Variants in ALG14 observed in about 807,000 individuals in gnomAD.
ALG14 encodes ALG14 UDP-N-acetylglucosaminyltransferase subunit, also known as UDP-N-acetylglucosamine transferase subunit ALG14.
Under a neutral mutation model 22.8 loss-of-function variants are expected in ALG14, and 17 were observed. That is an observed-to-expected ratio of 0.75 (90% confidence interval 0.51 to 1.12). The LOEUF (loss-of-function observed/expected upper bound fraction) is 1.12, where lower values mean the gene tolerates loss of function less well. ALG14 is among the 50% of genes most tolerant of loss of function. ALG14 has a pLI of 0.00. For synonymous variants in ALG14, 89 were observed against 103.7 expected, an observed-to-expected ratio of 0.86 and a Z score of 0.86; for missense variants, 288 against 271.8, an observed-to-expected ratio of 1.06 and a Z score of -0.42.
At chr1:95,053,419 T>C (rs544283788) in intron 2 of ALG14, among the ~76,000 whole-genome samples, 4 of 152,226 alleles carry the variant, frequency 2.6e-5, no homozygotes, top group African/African-American at 9.6e-5. Context: ...TCATAATGAT[T>C]AAAAATAATT....
At chr1:94,990,683 C>T (rs1412019033) in intron 3 of ALG14, among the ~76,000 whole-genome samples, 1 of 152,206 alleles carries the variant, frequency 6.6e-6, no homozygotes, top group East Asian at 1.9e-4. Context: ...TAGCTTTCAT[C>T]TTCTTTTAAA....
intron 3 of ALG14, among the ~76,000 whole-genome samples, chr1:94,995,307 C>T (rs1247827470): frequency 6.6e-6 from 1 of 152,080 alleles, no homozygotes; most frequent in Non-Finnish European, 1.5e-5. Context: ...TACAGATATA[C>T]AGAAAGAGAC....
At chr1:95,043,614 G>C (rs74101996) in intron 2 of ALG14, among the ~76,000 whole-genome samples, 2 of 152,142 alleles carry the variant, frequency 1.3e-5, no homozygotes, top group African/African-American at 4.8e-5. Context: ...GTGGCAGGAT[G>C]AGGGAGTGAC....
At chr1:95,004,858 T>C (rs1673174127) in intron 3 of ALG14, among the ~76,000 whole-genome samples, 4 of 146,354 alleles carry the variant, frequency 2.7e-5, no homozygotes, top group African/African-American at 5.1e-5. Flanking sequence ...CAGGCTGGAG[T>C]GCAGTAGCAT....
chr1:95,009,882 G>C (rs548529180), intron 3 of ALG14, among the ~76,000 whole-genome samples: 1 of 152,242 alleles, frequency 6.6e-6, no homozygotes, highest in African/African-American at 2.4e-5. Flanking sequence ...AGTGGGAGCT[G>C]AGTAAAAAGC....
chr1:95,004,910 A>G (rs1673175246), intron 3 of ALG14, among the ~76,000 whole-genome samples: 1 of 151,688 alleles, frequency 6.6e-6, no homozygotes, highest in South Asian at 2.1e-4. Flanking sequence ...TGTTCAAGCA[A>G]TTCTCCTGCC....
rs1672358809 is a variant in ALG14, at chr1:94,974,527, A to C, written c.*8549T>G. On this transcript the variant is annotated 3_prime_UTR_variant, in exon 4 of 4. Coordinates refer to ENST00000370205, the MANE Select transcript of ALG14 (RefSeq NM_144988.4). ...CATCTGCATATGGTTAAAGATTTAA[A>C]AGAATCCATTGGTTTCTTTTTCACT... is the stretch of plus-strand genomic sequence containing the variant. 6.6e-6 allele frequency: 1 copy of C among 152,230 alleles called. No individual in the cohort carries two copies. The highest frequency in any genetic ancestry group is 2.4e-5 in the African/African-American group (1 of 41,460). The allele number at this position is 152,230 out of a possible 1,614,324, so 9.4% of individuals were successfully genotyped here. A position where few individuals can be genotyped will look rare whatever the true frequency, so the allele number is the denominator to read the frequency against.
Position 95,029,769 on chromosome 1 carries a change from G to A in ALG14, c.289-2509C>T, listed in dbSNP as rs75636995. Among the ~76,000 whole-genome samples the A allele has an allele frequency of 6.7e-3, 1,017 of 152,308 alleles. 8 individuals are homozygous for A. The highest frequency in any genetic ancestry group is 0.011 in the Non-Finnish European group (718 of 68,026). Reference sequence around the variant, plus strand: ...CAGCAAAAAGTGAAAATGGAAATGTGTGACCACTCTGCTTCTTCATATGAT... The same window carrying A: ...CAGCAAAAAGTGAAAATGGAAATGTATGACCACTCTGCTTCTTCATATGAT... On this transcript the variant is annotated intron_variant, in intron 2 of 3. Coordinates refer to ENST00000370205, the MANE Select transcript of ALG14 (RefSeq NM_144988.4).
chr1:95,057,900 T>C lies in ALG14; in HGVS notation c.288+6966A>G, dbSNP rs554887953. Among the ~76,000 whole-genome samples, 18 of 151,940 alleles carry C rather than the reference T, an allele frequency of 1.2e-4. No individual in the cohort carries two copies. In the South Asian group the frequency reaches 2.7e-3, roughly 23 times the overall value. On this transcript the variant is annotated intron_variant, in intron 2 of 3. Transcript: ENST00000370205. ...CTCTGACTGCTGGAAGAGAATGGAA[T>C]AGTATTTACACACTCTGAGAGGAAA...
chr1:95,064,032 T>C (rs780885973), intron 2 of ALG14, among the ~76,000 whole-genome samples: 2 of 152,210 alleles, frequency 1.3e-5, no homozygotes, highest in African/African-American at 2.4e-5. Context: ...TATTTTATTC[T>C]TTTTGCAGTG....
chr1:95,064,185 G>C (rs1301662344), intron 2 of ALG14, among the ~76,000 whole-genome samples: 1 of 152,170 alleles, frequency 6.6e-6, no homozygotes, highest in Non-Finnish European at 1.5e-5. Flanking sequence ...TTTGGGCTGA[G>C]ACAATGGGAT....
intron 2 of ALG14, chr1:95,035,818 T>C (rs577629551): frequency 6.6e-6 from 1 of 152,354 alleles, no homozygotes; most frequent in East Asian, 1.9e-4. Context: ...CATTCTTTGC[T>C]GTTACCACAC....
Position 94,982,815 on chromosome 1 carries a change from G to A in ALG14, c.*261C>T. 2.9e-6 allele frequency: 1 copy of A among 343,618 alleles called. No individual in the cohort carries two copies. The highest frequency in any genetic ancestry group is 5.3e-6 in the Non-Finnish European group (1 of 188,930). The allele number at this position is 343,618 out of a possible 1,614,324, so 21.3% of individuals were successfully genotyped here. A position where few individuals can be genotyped will look rare whatever the true frequency, so the allele number is the denominator to read the frequency against. On this transcript the variant is annotated 3_prime_UTR_variant, in exon 4 of 4. Coordinates refer to ENST00000370205, the MANE Select transcript of ALG14 (RefSeq NM_144988.4). ...AAAACAGCCAGAAGAAAATTTGCAGGTAGTAATACATATTTTTATCTAGAA... is the reference window on the plus strand; with the variant it reads ...AAAACAGCCAGAAGAAAATTTGCAGATAGTAATACATATTTTTATCTAGAA...
intron 3 of ALG14, among the ~76,000 whole-genome samples, chr1:95,014,570 T>C (rs1277591596): frequency 6.6e-6 from 1 of 152,214 alleles, no homozygotes; most frequent in East Asian, 1.9e-4. Flanking sequence ...CCATGGTGCC[T>C]AGCTCTAGTC....
Position 95,056,713 on chromosome 1 carries a change from CCTAAGG to C in ALG14, c.288+8147_288+8152del, listed in dbSNP as rs1490259428. ...GAGTATAACTCTATGACCTTTAAGT[CCTAAGG>C]GAAAATATAAATTTGGATTCCTAAA... On this transcript the variant is annotated intron_variant, in intron 2 of 3. Coordinates refer to ENST00000370205, the MANE Select transcript of ALG14 (RefSeq NM_144988.4). Among the ~76,000 whole-genome samples, 500 of 151,902 alleles carry C rather than the reference CCTAAGG, an allele frequency of 3.3e-3. 22 individuals are homozygous for C. The East Asian group carries it at 0.092, about 28-fold the overall frequency.
chr1:95,017,093 C>G (rs947697631), intron 3 of ALG14, among the ~76,000 whole-genome samples: 7 of 151,864 alleles, frequency 4.6e-5, no homozygotes, highest in Non-Finnish European at 8.8e-5. Context: ...GCCCAAGGAT[C>G]ATCAGTTTGC....
At chr1:95,023,044 C>T (rs1457499803) in intron 3 of ALG14, among the ~76,000 whole-genome samples, 2 of 152,086 alleles carry the variant, frequency 1.3e-5, no homozygotes, top group African/African-American at 4.8e-5. Context: ...CTTGGTGCCA[C>T]CTAGTTTGTG....
chr1:95,040,159 G>A (rs1051227383), intron 2 of ALG14, among the ~76,000 whole-genome samples: 2 of 148,892 alleles, frequency 1.3e-5, no homozygotes, highest in African/African-American at 5.1e-5. Flanking sequence ...GTGACAGAGT[G>A]AGACCCTGTC....
At chr1:95,018,577 C>CGGAA (rs956297291) in intron 3 of ALG14, among the ~76,000 whole-genome samples, 1 of 151,496 alleles carries the variant, frequency 6.6e-6, no homozygotes, top group Non-Finnish European at 1.5e-5. Flanking sequence ...AAAAAAGGGA[C>CGGAA]GGAAGGAAGG....
Sources: allele counts gnomAD v4.1 joint callset (sites outside exome capture counted in the v4.1 genomes callset), GRCh38; gene constraint gnomAD v4.1.1; transcripts MANE v1.5; gene names NCBI Gene and HGNC (gene_info 2026-07-23, HGNC 2026-07-21).